PAK4: variants seen among roughly 807,000 people sequenced by gnomAD.
PAK4 encodes the protein p21 (RAC1) activated kinase 4.
Under a neutral mutation model 53.5 loss-of-function variants are expected in PAK4, and 49 were observed. That is an observed-to-expected ratio of 0.92 (90% CI 0.73 to 1.16). The LOEUF is 1.16. Among genes scored for constraint, PAK4 ranks in the 50% most tolerant of loss-of-function variants. The probability of loss-of-function intolerance (pLI) is 0.00; values close to 1 mark genes in which losing one functional copy is unlikely to be tolerated. For synonymous variants in PAK4, 376 were observed against 375.6 expected, an observed-to-expected ratio of 1.00 and a Z score of -0.01; for missense variants, 824 against 850.7, an observed-to-expected ratio of 0.97 and a Z score of 0.39.
intron 1 of PAK4, among the ~76,000 whole-genome samples, chr19:39,162,359 G>A (rs932140977): frequency 1.3e-5 from 2 of 152,144 alleles, no homozygotes; most frequent in Admixed American, 6.5e-5. Flanking sequence ...AGGCTCGGGT[G>A]ATTCTCCCGC....
In PAK4 at chr19:39,161,225, G is replaced by A. The variant is rs2074278983; in HGVS notation, c.-22-8307G>A. Reference sequence around the variant, plus strand: ...AAATGCAGCCATCATGAACCAAAACGCGGTCCCTGTCCATATGAGTCACTG... The same window carrying A: ...AAATGCAGCCATCATGAACCAAAACACGGTCCCTGTCCATATGAGTCACTG... On this transcript the variant is annotated intron_variant, in intron 1 of 8. Coordinates refer to ENST00000358301, the Ensembl canonical transcript of PAK4. This position sits in a 1 kb window ranked among gnomAD's most constrained non-coding sequence, Gnocchi z 4.5. Among the ~76,000 whole-genome samples, 2 of 152,330 alleles carry A rather than the reference G, an allele frequency of 1.3e-5. No individual in the cohort carries two copies. The highest frequency in any genetic ancestry group is 2.4e-5 in the African/African-American group (1 of 41,576).
intron 7 of PAK4, 51 bp from the exon 9 acceptor site, chr19:39,177,624 G>A: frequency 1.3e-6 from 2 of 1,577,530 alleles, no homozygotes; most frequent in Non-Finnish European, 1.7e-6. Context: ...GCCTCCCCAG[G>A]ACCCACCATC....
chr19:39,133,400 T>C (rs1036215922), intron 1 of PAK4, among the ~76,000 whole-genome samples: 1 of 152,204 alleles, frequency 6.6e-6, no homozygotes, highest in African/African-American at 2.4e-5. Flanking sequence ...ACTAACCTAC[T>C]GGACCCTCCC....
At chr19:39,135,626 C>T (rs145354251) in intron 1 of PAK4, among the ~76,000 whole-genome samples, 2 of 152,178 alleles carry the variant, frequency 1.3e-5, no homozygotes, top group East Asian at 1.9e-4. Flanking sequence ...TGAGCCACTG[C>T]GCCCTGCCCA....
intron 1 of PAK4, among the ~76,000 whole-genome samples, chr19:39,169,064 C>T (rs922389213): frequency 6.6e-6 from 1 of 152,152 alleles, no homozygotes; most frequent in African/African-American, 2.4e-5. Flanking sequence ...TCCATGAGTT[C>T]CGGGCTGTGA....
At chr19:39,140,590 G>A (rs113476456) in intron 1 of PAK4, among the ~76,000 whole-genome samples, 5 of 152,334 alleles carry the variant, frequency 3.3e-5, no homozygotes, top group African/African-American at 1.2e-4. Flanking sequence ...TGCTAGAAAG[G>A]CGAATATTAC....
intron 1 of PAK4, among the ~76,000 whole-genome samples, chr19:39,167,057 C>G (rs1437797645): frequency 6.6e-6 from 1 of 152,236 alleles, no homozygotes; most frequent in Admixed American, 6.5e-5. Flanking sequence ...AGACCCCATG[C>G]TGCCAGCTGG....
chr19:39,140,567 C>T (rs2073892638), intron 1 of PAK4, among the ~76,000 whole-genome samples: 1 of 152,202 alleles, frequency 6.6e-6, no homozygotes, highest in Admixed American at 6.5e-5. Context: ...AGTTTAATTG[C>T]AACAAAGGTT....
At chr19:39,128,369 C>G (rs1376423137) in intron 1 of PAK4, among the ~76,000 whole-genome samples, 6 of 152,192 alleles carry the variant, frequency 3.9e-5, no homozygotes, top group African/African-American at 1.2e-4. Flanking sequence ...GGCAGCCACC[C>G]CATCCCTACC....
chr19:39,164,327 A>G (rs1320191766), intron 1 of PAK4, among the ~76,000 whole-genome samples: 1 of 151,700 alleles, frequency 6.6e-6, no homozygotes, highest in Non-Finnish European at 1.5e-5. Flanking sequence ...CAAGCACGCC[A>G]TATATGTGGT....
chr19:39,173,811 C>G lies in PAK4; in HGVS notation c.899C>G (p.Ser300Cys). The change falls in exon 4 of 9, where the codon TCC becomes TGC. Residue 300 changes from serine (S) to cysteine (C), a missense_variant. Physicochemically the swap from Ser to Cys is moderately radical, Grantham distance 112 (BLOSUM62 -1). Around this residue, in one of 2 missense-constraint regions of PAK4, gnomAD observed 346 missense variants for 415.0 expected, o/e 0.83. Transcript: ENST00000358301. The surrounding 1 kb of genome is among the most constrained non-coding windows in gnomAD (Gnocchi z 6.9). ...CCACAGCGGGAGCCACAGCGAGTAT[C>G]CCATGAGCAGTTCCGGGCTGCCCTG... 1 of 1,611,602 alleles carries G rather than the reference C, an allele frequency of 6.2e-7. No individual in the cohort carries two copies. Among genetic ancestry groups the G allele is most frequent in the Non-Finnish European group, 8.5e-7 (1 of 1,179,544 alleles).
At chr19:39,152,985 G>A (rs2074117642) in intron 1 of PAK4, among the ~76,000 whole-genome samples, 1 of 152,132 alleles carries the variant, frequency 6.6e-6, no homozygotes, top group Non-Finnish European at 1.5e-5. Flanking sequence ...ATCCCTGGAT[G>A]TGGTACCTCC....
At chr19:39,154,096 A>G (rs2074137089) in intron 1 of PAK4, among the ~76,000 whole-genome samples, 4 of 151,952 alleles carry the variant, frequency 2.6e-5, no homozygotes, top group Admixed American at 2.6e-4. Context: ...TCTCCCTATC[A>G]TGTGCGGTGC....
chr19:39,171,142 A>G (rs1250714917), intron 2 of PAK4, among the ~76,000 whole-genome samples: 2 of 151,440 alleles, frequency 1.3e-5, no homozygotes, highest in Non-Finnish European at 1.5e-5. Context: ...GGGGCCCCAT[A>G]GGCACTTGTG....
intron 1 of PAK4, among the ~76,000 whole-genome samples, chr19:39,157,070 T>C (rs1027797064): frequency 6.6e-6 from 1 of 152,060 alleles, no homozygotes; most frequent in Non-Finnish European, 1.5e-5. Flanking sequence ...AGCCTCTCTG[T>C]GGGAGCACGC....
At chr19:39,133,952 A>C (rs2073762673) in intron 1 of PAK4, among the ~76,000 whole-genome samples, 1 of 151,968 alleles carries the variant, frequency 6.6e-6, no homozygotes, top group Non-Finnish European at 1.5e-5. Flanking sequence ...ATGGGGAGAA[A>C]GTAGGACCCT....
At chr19:39,141,292 C>T (rs1326469234) in intron 1 of PAK4, among the ~76,000 whole-genome samples, 1 of 151,790 alleles carries the variant, frequency 6.6e-6, no homozygotes, top group Non-Finnish European at 1.5e-5. Context: ...CCTCAGTCTC[C>T]TCATGCTTCC....
rs748636101 is a variant in PAK4, at chr19:39,173,897, G to A, written c.985G>A (p.Glu329Lys). Residue 329 changes from glutamate to lysine, a missense_variant, in exon 4 of 9, where the codon GAG (glutamate) becomes AAG (lysine). Around this residue, in one of 2 missense-constraint regions of PAK4, gnomAD observed 346 missense variants for 415.0 expected, o/e 0.83. Transcript: ENST00000358301. The surrounding 1 kb of genome is among the most constrained non-coding windows in gnomAD (Gnocchi z 6.9). The stretch of plus-strand genomic sequence containing the variant: ...CCTGGACAACTTCATCAAGATTGGC[G>A]AGGGCTCCACGGGCATCGTGTGCAT... The A allele has an allele frequency of 5.0e-6, 8 of 1,612,300 alleles. No individual in the cohort carries two copies. In the South Asian group the frequency reaches 7.7e-5, roughly 16 times the overall value.
chr19:39,179,507 C>G (rs2074678466), downstream of PAK4: 1 of 152,118 alleles, frequency 6.6e-6, no homozygotes, highest in African/African-American at 2.4e-5. Flanking sequence ...ACGATTCCAG[C>G]CAAGGCAGGG....
Sources: allele counts gnomAD v4.1 joint callset (sites outside exome capture counted in the v4.1 genomes callset), GRCh38; gene constraint gnomAD v4.1.1; regional missense constraint gnomAD v4.1.1; non-coding constraint Gnocchi (gnomAD v3.1); transcripts MANE v1.5; gene names NCBI Gene and HGNC (gene_info 2026-07-23, HGNC 2026-07-21).